PKNOX1: variants seen among roughly 807,000 people sequenced by gnomAD.
PKNOX1 encodes the protein homeobox protein PKNOX1.
PKNOX1 carries 15 observed loss-of-function variants against 51.9 expected under a neutral mutation model. The ratio of observed to expected loss-of-function variants is 0.29; its 90% CI spans 0.19 to 0.45. PKNOX1 has a LOEUF of 0.45. Ranked by LOEUF, PKNOX1 falls within the 20% of genes least tolerant of loss-of-function variation. The probability of loss-of-function intolerance (pLI) is 1.00; values close to 1 mark genes in which losing one functional copy is unlikely to be tolerated. For synonymous variants in PKNOX1, 219 were observed against 211.1 expected, an observed-to-expected ratio of 1.04 and a Z score of -0.32; for missense variants, 462 against 547.5, an observed-to-expected ratio of 0.84 and a Z score of 1.56.
intron 1 of PKNOX1, among the ~76,000 whole-genome samples, chr21:42,996,420 C>G (rs1030874625): frequency 6.8e-6 from 1 of 147,266 alleles, no homozygotes; most frequent in Non-Finnish European, 1.5e-5. Context: ...TCCTCTGGAC[C>G]ATAAACACTC....
chr21:42,985,159 T>C (rs2059045744), intron 1 of PKNOX1, among the ~76,000 whole-genome samples: 2 of 151,874 alleles, frequency 1.3e-5, no homozygotes, highest in East Asian at 1.9e-4. Flanking sequence ...GGCTAATTTT[T>C]GTACTTGCAG....
At position 43,019,418 on chromosome 21, in the gene PKNOX1, A is replaced by AC. The variant is rs201179884; in HGVS notation, c.720+1188_720+1189insC. On this transcript the variant is annotated intron_variant, in intron 7 of 10. Coordinates refer to ENST00000291547, the MANE Select transcript of PKNOX1 (RefSeq NM_004571.5). ...AATAAAATAAAATAAACAAAAAAAAAACACACATTTTTTTGAGACTTTGCA... is the reference window on the plus strand; with the variant it reads ...AATAAAATAAAATAAACAAAAAAAAACACACACATTTTTTTGAGACTTTGCA... Among the ~76,000 whole-genome samples, 12 of 148,972 alleles carry AC rather than the reference A, an allele frequency of 8.1e-5. No individual in the cohort carries two copies. The East Asian group carries it at 1.9e-3, about 24-fold the overall frequency.
At chr21:42,987,404 A>AAAATATATATAT in intron 1 of PKNOX1, among the ~76,000 whole-genome samples, 6 of 41,414 alleles carry the variant, frequency 1.4e-4, no homozygotes, top group African/African-American at 2.8e-4. Context: ...AAAAAAAAAA[A>AAAATATATATAT]ATATATATAT....
At position 43,033,480 on chromosome 21, in the gene PKNOX1, A is replaced by C. The variant is rs953443345; in HGVS notation, c.*3379A>C. On this transcript the variant is annotated 3_prime_UTR_variant, in exon 11 of 11. Coordinates refer to ENST00000291547, the MANE Select transcript of PKNOX1 (RefSeq NM_004571.5). ...GAAACTGACAATCTTTGAAATGTGA[A>C]TACTGTAACAATATGTTTTCTTGGA... 1 of 152,664 alleles carries C rather than the reference A, an allele frequency of 6.6e-6. No homozygotes were observed. The highest frequency in any genetic ancestry group is 1.5e-5 in the Non-Finnish European group (1 of 68,042). 9.5% of individuals were successfully genotyped at this position (152,664 alleles called of 1,614,324 possible). A position where few individuals can be genotyped will look rare whatever the true frequency, so the allele number is the denominator to read the frequency against.
At chr21:42,993,694 A>T (rs1601278832) in intron 1 of PKNOX1, among the ~76,000 whole-genome samples, 1 of 94,472 alleles carries the variant, frequency 1.1e-5, no homozygotes, top group African/African-American at 4.1e-5. Flanking sequence ...GTGGCTTTGT[A>T]GTATATTTTA....
chr21:42,991,068 A>G (rs1037210327), intron 1 of PKNOX1, among the ~76,000 whole-genome samples: 4 of 152,166 alleles, frequency 2.6e-5, no homozygotes, highest in African/African-American at 9.7e-5. Context: ...TCAGCTTCAA[A>G]TATTCAGTGT....
At chr21:42,979,637 G>A (rs1275204588) in intron 1 of PKNOX1, among the ~76,000 whole-genome samples, 2 of 152,190 alleles carry the variant, frequency 1.3e-5, no homozygotes, top group African/African-American at 2.4e-5. Context: ...AGCCACTTGG[G>A]AGGCTAAGGC....
chr21:42,992,883 TATC>T (rs1468371983), intron 1 of PKNOX1, among the ~76,000 whole-genome samples: 1 of 136,374 alleles, frequency 7.3e-6, no homozygotes, highest in Non-Finnish European at 1.6e-5. Context: ...GCTTCTTTGA[TATC>T]ATTGCGAGCT....
chr21:42,997,576 A>G (rs894551095), intron 1 of PKNOX1, among the ~76,000 whole-genome samples: 3 of 152,262 alleles, frequency 2.0e-5, no homozygotes, highest in African/African-American at 7.2e-5. Flanking sequence ...AGACAGCGCT[A>G]GTAGTTGGGG....
At chr21:42,980,167 G>GT (rs1601262988) in intron 1 of PKNOX1, among the ~76,000 whole-genome samples, 1 of 152,158 alleles carries the variant, frequency 6.6e-6, no homozygotes, top group African/African-American at 2.4e-5. Flanking sequence ...GAGGTCAGGA[G>GT]TTTGAGACCA....
intron 2 of PKNOX1, 121 bp from the exon 3 acceptor site, chr21:43,007,370 A>G: frequency 1.2e-6 from 1 of 849,264 alleles, no homozygotes; most frequent in Non-Finnish European, 1.9e-6. Context: ...CATTCTTTAC[A>G]TATGATTGCA....
chr21:43,016,298 T>A (rs1001265915), intron 5 of PKNOX1, among the ~76,000 whole-genome samples: 1 of 152,206 alleles, frequency 6.6e-6, no homozygotes, highest in Non-Finnish European at 1.5e-5. Context: ...ATGGGGCATG[T>A]AGAAACATTT....
intron 1 of PKNOX1, among the ~76,000 whole-genome samples, chr21:42,979,927 T>C (rs551453245): frequency 6.6e-6 from 1 of 152,344 alleles, no homozygotes; most frequent in South Asian, 2.1e-4. Context: ...ACATGGTCAG[T>C]GAAGTATGAC....
At chr21:43,029,042 A>G (rs1042266401) in intron 10 of PKNOX1, 168 bp downstream of exon 10, 14 of 668,334 alleles carry the variant, frequency 2.1e-5, no homozygotes, top group Non-Finnish European at 3.2e-5. Flanking sequence ...TTCTGCGTGC[A>G]CGGGAGCTCT....
rs113477034 is a variant in PKNOX1, at chr21:43,007,091, G to A, written c.52-400G>A. On this transcript the variant is annotated intron_variant, in intron 2 of 10. Transcript: ENST00000291547. Reference sequence around the variant, plus strand: ...TTCAACCTTGTCCCAAATATGTAGCGTATGGGTTAGGTTGTGTCTGTGACA... The same window carrying A: ...TTCAACCTTGTCCCAAATATGTAGCATATGGGTTAGGTTGTGTCTGTGACA... Among the ~76,000 whole-genome samples the A allele has an allele frequency of 1.8e-4, 27 of 152,310 alleles. 1 individual carries two copies. In the East Asian group the frequency reaches 2.5e-3, roughly 14 times the overall value.
intron 1 of PKNOX1, among the ~76,000 whole-genome samples, chr21:42,993,146 G>A (rs1026347994): frequency 1.8e-4 from 28 of 152,092 alleles, no homozygotes; most frequent in African/African-American, 6.8e-4. Flanking sequence ...CAGAGGAAGG[G>A]ACAAAGACCT....
intron 7 of PKNOX1, chr21:43,020,606 CTGTTCTGCGG>C (rs1254251486): frequency 2.6e-5 from 4 of 152,476 alleles, no homozygotes; most frequent in Non-Finnish European, 5.9e-5. Context: ...CTGTGCCCTC[CTGTTCTGCGG>C]ACCCTCTTTC....
chr21:43,025,827 GTC>G (rs1979962409), intron 9 of PKNOX1, among the ~76,000 whole-genome samples: 1 of 152,204 alleles, frequency 6.6e-6, no homozygotes, highest in Non-Finnish European at 1.5e-5. Flanking sequence ...CAGCAAGAAA[GTC>G]TTTGTCTTTG....
chr21:42,979,946 A>G (rs1026897649), intron 1 of PKNOX1, among the ~76,000 whole-genome samples: 2 of 152,208 alleles, frequency 1.3e-5, no homozygotes, highest in East Asian at 3.9e-4. Context: ...ACTTGTTTCA[A>G]AGATTAACCT....
Sources: allele counts gnomAD v4.1 joint callset (sites outside exome capture counted in the v4.1 genomes callset), GRCh38; gene constraint gnomAD v4.1.1; transcripts MANE v1.5; gene names NCBI Gene and HGNC (gene_info 2026-07-23, HGNC 2026-07-21).